YBX2: variants seen among roughly 807,000 people sequenced by gnomAD.
YBX2 encodes Y-box binding protein 2, also known as Y-box-binding protein 2.
YBX2 carries 5 observed loss-of-function variants against 44.4 expected under a neutral mutation model. The ratio of observed to expected loss-of-function variants is 0.11; its 90% confidence interval spans 0.06 to 0.24. YBX2 has a LOEUF of 0.24. YBX2 is among the 10% of genes least tolerant of loss of function. YBX2 has a pLI of 1.00. For synonymous variants in YBX2, 188 were observed against 216.1 expected, an observed-to-expected ratio of 0.87 and a Z score of 1.14; for missense variants, 417 against 526.9, an observed-to-expected ratio of 0.79 and a Z score of 2.04.
rs541870137 is a variant in YBX2, at chr17:7,288,503, A to C, written c.*180T>G. The stretch of plus-strand genomic sequence containing the variant: ...TTGATAAGGGGAGGGAAGAAAAAAG[A>C]AAAAGCAAAAGGCTGCTGCTTTGGT... On this transcript the variant is annotated 3_prime_UTR_variant, in exon 9 of 9. Transcript: ENST00000007699. 3 of 397,576 alleles carry C rather than the reference A, an allele frequency of 7.5e-6. No individual in the cohort carries two copies. Among genetic ancestry groups the C allele is most frequent in the African/African-American group, 4.1e-5 (2 of 49,100 alleles). The allele number at this position is 397,576 out of a possible 1,614,324, so 24.6% of individuals were successfully genotyped here. A position where few individuals can be genotyped will look rare whatever the true frequency, so the allele number is the denominator to read the frequency against.
intron 7 of YBX2, among the ~76,000 whole-genome samples, chr17:7,289,295 TG>T (rs34468152): frequency 8.6e-5 from 9 of 104,842 alleles, no homozygotes; most frequent in African/African-American, 2.7e-4. Flanking sequence ...GGGGATGGGT[TG>T]GGGGGGGCAT....
At chr17:7,292,137 C>A in intron 2 of YBX2, 78 bp from the exon 3 acceptor site, 2 of 1,546,970 alleles carry the variant, frequency 1.3e-6, no homozygotes, top group South Asian at 1.1e-5. Flanking sequence ...CCTAGATGCC[C>A]AGTCTAAGCT....
Position 7,294,256 on chromosome 17 carries a change from C to CG in YBX2, c.244dup (p.Arg82ProfsTer33), listed in dbSNP as rs1368285793. On this transcript the variant is annotated frameshift_variant, in exon 1 of 9. Coordinates refer to ENST00000007699, the MANE Select transcript of YBX2 (RefSeq NM_015982.4). LOFTEE classifies it high-confidence loss of function. This position sits in a 1 kb window ranked among gnomAD's most constrained non-coding sequence, Gnocchi z 4.6. ...CAGCACCGGCTTGTCCGCCTGACTC[C>CG]GGGCCGGGGGGGCGGGGGTTCCCGA... 8.3e-7 allele frequency: 1 copy of CG among 1,208,534 alleles called. No homozygotes were observed. Among genetic ancestry groups the CG allele is most frequent in the Non-Finnish European group, 1.0e-6 (1 of 970,870 alleles). 74.9% of individuals were successfully genotyped at this position (1,208,534 alleles called of 1,614,324 possible).
rs781744914 is a variant in YBX2 at position 7,289,718 on chromosome 17, G to A, written c.856C>T (p.Arg286Cys). The A allele has an allele frequency of 5.7e-6, 9 of 1,579,508 alleles. No homozygotes were observed. The highest frequency in any genetic ancestry group is 5.6e-5 in the South Asian group (5 of 89,858). Residue 286 changes from arginine to cysteine, a missense_variant, in exon 7 of 9, where the codon CGC (arginine) becomes TGC (cysteine). Physicochemically the swap from Arg to Cys is radical, Grantham distance 180. Transcript: ENST00000007699. ...RFRPRYRRPF[R>C]PRPRQQPTTE... ...GTAGGCTGCTGGCGTGGCCTGGGGC[G>A]GAAAGGCCTAAGGCAAGGAACAAGG...
At chr17:7,293,650 T>C (rs1447492410) in intron 1 of YBX2, 112 bp from the exon 2 acceptor site, 3 of 1,561,924 alleles carry the variant, frequency 1.9e-6, no homozygotes, top group Admixed American at 3.8e-5. Context: ...CCTTATTACC[T>C]ATTCAGGTTA....
chr17:7,292,971 G>A (rs921516139), intron 2 of YBX2: 1 of 186,778 alleles, frequency 5.4e-6, no homozygotes, highest in Non-Finnish European at 1.1e-5. Context: ...GGGTGGGGCT[G>A]CCTACTGAAG....
intron 6 of YBX2, 77 bp from the exon 7 acceptor site, chr17:7,289,802 C>T: frequency 6.2e-7 from 1 of 1,600,614 alleles, no homozygotes; most frequent in Non-Finnish European, 8.5e-7. Context: ...CCCACCCCAC[C>T]TCCAGGAGCC....
intron 1 of YBX2, 34 bp from the exon 2 acceptor site, chr17:7,293,572 TGGG>T (rs754779618): frequency 1.2e-6 from 2 of 1,613,784 alleles, no homozygotes; most frequent in Non-Finnish European, 1.7e-6. Flanking sequence ...GACAGTGAGA[TGGG>T]GGGAAGAGAT....
In YBX2 at chr17:7,294,538, C is replaced by G. The variant is rs1325842151; in HGVS notation, c.-38G>C. On this transcript the variant is annotated 5_prime_UTR_variant, in exon 1 of 9. Coordinates refer to ENST00000007699, the MANE Select transcript of YBX2 (RefSeq NM_015982.4). The surrounding 1 kb of genome is among the most constrained non-coding windows in gnomAD (Gnocchi z 4.6). ...AGTACCGGCCACAGCCGCCACCGCC[C>G]CGGCCCCTCCCCCCGGCTCGCGAAC... 7.0e-7 allele frequency: 1 copy of G among 1,421,038 alleles called. No homozygotes were observed. 88.0% of individuals were successfully genotyped at this position (1,421,038 alleles called of 1,614,324 possible). A position where few individuals can be genotyped will look rare whatever the true frequency, so the allele number is the denominator to read the frequency against.
At chr17:7,289,769 C>G in intron 6 of YBX2, 44 bp from the exon 7 acceptor site, 2 of 1,608,876 alleles carry the variant, frequency 1.2e-6, no homozygotes, top group Non-Finnish European at 1.7e-6. Flanking sequence ...GGAATACTCC[C>G]TCCCCAGGGC....
Position 7,290,392 on chromosome 17 carries a change from C to G in YBX2, c.603G>C (p.Ser201=). The G allele has an allele frequency of 6.2e-7, 1 of 1,613,838 alleles. No individual in the cohort carries two copies. The highest frequency in any genetic ancestry group is 8.5e-7 in the Non-Finnish European group (1 of 1,179,966). Reference sequence around the variant, plus strand: ...CTTTACTGCCAGGTCCTGTCCCCGCCGAGGGGATCTCTGCCACCATGGGTG... The same window carrying G: ...CTTTACTGCCAGGTCCTGTCCCCGCGGAGGGGATCTCTGCCACCATGGGTG... ...APPPMVAEIP[S]AGTGPGSKGE... Residue 201 remains serine (S), a synonymous_variant, in exon 5 of 9, where the codon TCG becomes TCC. Coordinates refer to ENST00000007699, the MANE Select transcript of YBX2 (RefSeq NM_015982.4).
chr17:7,291,853 G>A lies in YBX2; in HGVS notation c.369+173C>T, dbSNP rs552902508. 12 of 782,056 alleles carry A rather than the reference G, an allele frequency of 1.5e-5. No homozygotes were observed. The East Asian group carries it at 2.1e-4, about 14-fold the overall frequency. 48.4% of individuals were successfully genotyped at this position (782,056 alleles called of 1,614,324 possible). A position where few individuals can be genotyped will look rare whatever the true frequency, so the allele number is the denominator to read the frequency against. On this transcript the variant is annotated intron_variant, in intron 3 of 8. Coordinates refer to ENST00000007699, the MANE Select transcript of YBX2 (RefSeq NM_015982.4). The surrounding 1 kb of genome is among the most constrained non-coding windows in gnomAD (Gnocchi z 5.8). ...GGTAACATGCTCAATTCTGACGGAC[G>A]TTTAGTAACCCAGCACAAGTGCGGC...
chr17:7,292,237 TG>T, intron 2 of YBX2, 178 bp from the exon 3 acceptor site: 1 of 719,470 alleles, frequency 1.4e-6, no homozygotes. Context: ...CAGAAGCTGG[TG>T]TAAAGAGAGA....
At chr17:7,293,410 T>TG (rs1448041144) in intron 2 of YBX2, 65 bp downstream of exon 2, 4 of 1,609,910 alleles carry the variant, frequency 2.5e-6, no homozygotes, top group Admixed American at 3.4e-5. Context: ...GTTGGGCGGG[T>TG]GTCCAGTCCC....
chr17:7,293,227 G>A (rs2072514370), intron 2 of YBX2: 1 of 594,674 alleles, frequency 1.7e-6, no homozygotes, highest in African/African-American at 1.9e-5. Context: ...ATGAGAAGCT[G>A]GCAGGGTCAG....
At position 7,289,539 on chromosome 17, in the gene YBX2, T is replaced by G. The variant is rs1401870789; in HGVS notation, c.1035A>C (p.Ala345=). The G allele has an allele frequency of 3.7e-6, 6 of 1,602,868 alleles. 1 individual carries two copies. The South Asian group carries it at 5.5e-5, about 15-fold the overall frequency. Residue 345 remains alanine, a synonymous_variant, in exon 7 of 9, where the codon GCA becomes GCC. Transcript: ENST00000007699. The part of the protein sequence containing the change: ...PQQAPGPRQP[A]APETSAPVNS... The stretch of plus-strand genomic sequence containing the variant: ...CATCTGAGGTCCTCACCTCAGGGGC[T>G]GCGGGCTGCCGGGGGCCAGGGGCCT...
At chr17:7,290,800 T>C (rs1347618302) in intron 4 of YBX2, among the ~76,000 whole-genome samples, 1 of 152,194 alleles carries the variant, frequency 6.6e-6, no homozygotes, top group Non-Finnish European at 1.5e-5. Flanking sequence ...ATCCACCTTT[T>C]TACTCCAGAG....
In YBX2 at chr17:7,294,264, G is replaced by C; in HGVS notation, c.237C>G (p.Pro79=). ...GCTTGTCCGCCTGACTCCGGGCCGG[G>C]GGGGCGGGGGTTCCCGAGACCGCCG... ...PATAVSGTPA[P]PARSQADKPV... is the part of the protein sequence containing the mutation. Residue 79 remains proline, a synonymous_variant, in exon 1 of 9, where the codon CCC becomes CCG. Transcript: ENST00000007699. The surrounding 1 kb of genome is among the most constrained non-coding windows in gnomAD (Gnocchi z 4.6). 2.4e-6 allele frequency: 3 copies of C among 1,274,136 alleles called. No individual in the cohort carries two copies. Among genetic ancestry groups the C allele is most frequent in the Non-Finnish European group, 3.0e-6 (3 of 1,016,694 alleles). The allele number at this position is 1,274,136 out of a possible 1,614,324, so 78.9% of individuals were successfully genotyped here.
In YBX2 at chr17:7,290,494, G is replaced by A. The variant is rs142852785; in HGVS notation, c.501C>T (p.Pro167=). The A allele has an allele frequency of 5.2e-4, 842 of 1,612,942 alleles. 5 individuals are homozygous for A. Among genetic ancestry groups the A allele is most frequent in the South Asian group, 2.5e-3 (226 of 90,984 alleles). ...TGGGGGCATAACGGCTGCCCTTCAC[G>A]GGTACTCCCCCAGGCCCAGTTACAT... ...ATNVTGPGGV[P]VKGSRYAPNR... The change falls in exon 5 of 9, where the codon CCC becomes CCT. Residue 167 remains proline (P), a synonymous_variant. Coordinates refer to ENST00000007699, the MANE Select transcript of YBX2 (RefSeq NM_015982.4).
Sources: allele counts gnomAD v4.1 joint callset (sites outside exome capture counted in the v4.1 genomes callset), GRCh38; gene constraint gnomAD v4.1.1; non-coding constraint Gnocchi (gnomAD v3.1); transcripts MANE v1.5; gene names NCBI Gene and HGNC (gene_info 2026-07-23, HGNC 2026-07-21).